The following PTER variants were observed in gnomAD, a reference collection of about 807,000 sequenced individuals.
PTER encodes phosphotriesterase related, also known as N-acetyltaurine hydrolase.
Under a neutral mutation model 29.6 loss-of-function variants are expected in PTER, and 38 were observed. That is an observed-to-expected ratio of 1.28 (90% confidence interval 0.99 to 1.68). The LOEUF is 1.68. Ranked by LOEUF, PTER falls within the 40% of genes most tolerant of loss-of-function variation. The pLI, the probability that PTER is intolerant of heterozygous loss-of-function variation, is 0.00. For synonymous variants in PTER, 172 were observed against 154.5 expected, an observed-to-expected ratio of 1.11 and a Z score of -0.84; for missense variants, 482 against 427.8, an observed-to-expected ratio of 1.13 and a Z score of -1.12.
intron 3 of PTER, among the ~76,000 whole-genome samples, chr10:16,503,065 C>CTTTTTTTTTTTT (rs541383811): frequency 2.9e-5 from 2 of 69,430 alleles, no homozygotes; most frequent in African/African-American, 6.2e-5. Flanking sequence ...CATGATAGTG[C>CTTTTTTTTTTTT]TTTTTTTTTT....
At chr10:16,448,624 A>G (rs1019107212) in intron 1 of PTER, among the ~76,000 whole-genome samples, 2 of 152,226 alleles carry the variant, frequency 1.3e-5, no homozygotes, top group Non-Finnish European at 2.9e-5. Context: ...GCATGTAAAT[A>G]TCTCACCAAT....
intron 1 of PTER, among the ~76,000 whole-genome samples, chr10:16,444,057 A>G (rs1225175150): frequency 6.8e-6 from 1 of 146,248 alleles, no homozygotes; most frequent in Non-Finnish European, 1.5e-5. Flanking sequence ...GCTGGAGTGC[A>G]TTGGCGCGAT....
chr10:16,514,621 A>C (rs1836919392), downstream of PTER: 1 of 1,613,792 alleles, frequency 6.2e-7, no homozygotes, highest in African/African-American at 1.3e-5. Flanking sequence ...TATAGACTTC[A>C]TCTCCCGGCT....
At chr10:16,451,139 G>A (rs6602116) in intron 1 of PTER, among the ~76,000 whole-genome samples, 85,366 of 151,890 alleles carry the variant, frequency 0.56, 24,930 homozygotes, top group African/African-American at 0.72. Context: ...TCTAATGTTT[G>A]AGGGTAGAAA....
At chr10:16,466,045 G>T (rs1462331883) in intron 1 of PTER, among the ~76,000 whole-genome samples, 1 of 152,136 alleles carries the variant, frequency 6.6e-6, no homozygotes. Flanking sequence ...GATTTGGGTG[G>T]GGACGTGAAG....
intron 1 of PTER, among the ~76,000 whole-genome samples, chr10:16,464,004 G>A (rs1268512141): frequency 3.9e-5 from 6 of 152,148 alleles, no homozygotes; most frequent in African/African-American, 1.4e-4. Context: ...CACTGTTTTT[G>A]ATGACTCACC....
chr10:16,458,833 T>G (rs1271991877), intron 1 of PTER, among the ~76,000 whole-genome samples: 1 of 152,150 alleles, frequency 6.6e-6, no homozygotes, highest in Admixed American at 6.5e-5. Flanking sequence ...CAATTTCCAT[T>G]CCTATCACAA....
chr10:16,474,630 G>A (rs181658965), intron 1 of PTER, among the ~76,000 whole-genome samples: 3 of 152,210 alleles, frequency 2.0e-5, no homozygotes, highest in African/African-American at 4.8e-5. Flanking sequence ...GGTGACAACT[G>A]TAATCCCAGC....
Position 16,513,338 on chromosome 10 carries a change from T to A in PTER, c.*2082T>A, listed in dbSNP as rs1836883676. 6.6e-6 allele frequency: 1 copy of A among 152,550 alleles called. No homozygotes were observed. The highest frequency in any genetic ancestry group is 1.5e-5 in the Non-Finnish European group (1 of 67,984). 9.4% of individuals were successfully genotyped at this position (152,550 alleles called of 1,614,324 possible). A position where few individuals can be genotyped will look rare whatever the true frequency, so the allele number is the denominator to read the frequency against. On this transcript the variant is annotated 3_prime_UTR_variant, in exon 5 of 5. Transcript: ENST00000535784. ...TTGTGTGTGTATATATGCATACACTTTTTTATATTAAAATTTTGAGGCTAT... is the reference window on the plus strand; with the variant it reads ...TTGTGTGTGTATATATGCATACACTATTTTATATTAAAATTTTGAGGCTAT...
chr10:16,484,885 C>A, intron 2 of PTER, 69 bp downstream of exon 2: 1 of 1,483,422 alleles, frequency 6.7e-7, no homozygotes, highest in East Asian at 2.3e-5. Context: ...TGGAAATGCC[C>A]TGGGTTCAGA....
intron 3 of PTER, among the ~76,000 whole-genome samples, chr10:16,503,065 CTTTTTTTTTTTT>C (rs541383811): frequency 1.4e-5 from 1 of 69,418 alleles, no homozygotes; most frequent in Non-Finnish European, 2.4e-5. Context: ...CATGATAGTG[CTTTTTTTTTTTT>C]TTTTTTTTTT....
intron 3 of PTER, among the ~76,000 whole-genome samples, chr10:16,491,960 A>G (rs1383577881): frequency 6.6e-6 from 1 of 151,984 alleles, no homozygotes; most frequent in Non-Finnish European, 1.5e-5. Flanking sequence ...ACACACATAC[A>G]CTCATTGTGA....
intron 1 of PTER, among the ~76,000 whole-genome samples, chr10:16,447,901 C>T (rs1834073707): frequency 6.6e-6 from 1 of 152,168 alleles, no homozygotes; most frequent in Non-Finnish European, 1.5e-5. Context: ...GAGCCACTTC[C>T]TCACATAACT....
intron 1 of PTER, among the ~76,000 whole-genome samples, chr10:16,457,551 C>A (rs1199752120): frequency 6.6e-6 from 1 of 151,714 alleles, no homozygotes; most frequent in Non-Finnish European, 1.5e-5. Flanking sequence ...TTTAGGAAAG[C>A]CGTGTTTAGT....
intron 1 of PTER, among the ~76,000 whole-genome samples, chr10:16,447,077 G>A (rs12572995): frequency 0.24 from 36,627 of 150,340 alleles, 4,586 homozygotes; most frequent in Middle Eastern, 0.38. Flanking sequence ...GTATGAGATA[G>A]CATACCCGGC....
At chr10:16,499,818 A>AAAATC (rs558856601) in intron 3 of PTER, among the ~76,000 whole-genome samples, 139 of 152,246 alleles carry the variant, frequency 9.1e-4, no homozygotes, top group African/African-American at 3.3e-3. Context: ...TGTCAGTTAA[A>AAAATC]AAATCAGAAA....
At chr10:16,466,292 A>T (rs1184396224) in intron 1 of PTER, among the ~76,000 whole-genome samples, 1 of 134,268 alleles carries the variant, frequency 7.4e-6, no homozygotes, top group African/African-American at 2.9e-5. Flanking sequence ...TTTTTCTGTT[A>T]TAACTACCTT....
intron 2 of PTER, 77 bp downstream of exon 2, chr10:16,484,893 A>G: frequency 6.9e-7 from 1 of 1,448,062 alleles, no homozygotes; most frequent in Non-Finnish European, 9.2e-7. Flanking sequence ...CCCTGGGTTC[A>G]GAGGTAGCTG....
At chr10:16,475,770 C>A (rs1324964575) in intron 1 of PTER, among the ~76,000 whole-genome samples, 1 of 152,128 alleles carries the variant, frequency 6.6e-6, no homozygotes, top group East Asian at 1.9e-4. Flanking sequence ...GCATCGTTTC[C>A]AAAAACCTAA....
Sources: gnomAD v4.1 joint callset for allele counts (sites outside exome capture counted in the v4.1 genomes callset) on GRCh38, gnomAD v4.1.1 for gene constraint, MANE v1.5 for transcripts, NCBI Gene and HGNC (gene_info 2026-07-23, HGNC 2026-07-21) for gene names.